The following STS variants were observed in gnomAD, a reference collection of about 807,000 sequenced individuals.
The protein encoded by STS is steryl-sulfatase.
A neutral mutation model predicts 26.8 loss-of-function variants in STS; 7 were observed. The observed-to-expected ratio is 0.26, with a 90% CI of 0.15 to 0.49. The LOEUF (loss-of-function observed/expected upper bound fraction) is 0.49, where lower values mean the gene tolerates loss of function less well. STS is among the 20% of genes least tolerant of loss of function. The probability of loss-of-function intolerance (pLI) is 0.98; values close to 1 mark genes in which losing one functional copy is unlikely to be tolerated. For missense variants in STS, 434 were observed against 465.6 expected, an observed-to-expected ratio of 0.93 and a Z score of 0.63; for synonymous variants, 199 against 189.4, an observed-to-expected ratio of 1.05 and a Z score of -0.42.
Position 7,169,100 on chromosome X carries a change from G to A in STS, c.-134+21017G>A, listed in dbSNP as rs751102496. On this transcript the variant is annotated intron_variant, in intron 1 of 10. Transcript: ENST00000674429. Reference sequence around the variant, plus strand: ...GTTCTACAACATTTTCATCACCACCGAAAACAACCCTATACCCTTTAACAG... The same window carrying A: ...GTTCTACAACATTTTCATCACCACCAAAAACAACCCTATACCCTTTAACAG... 2.4e-4 allele frequency among the ~76,000 whole-genome samples: 27 copies of A among 110,502 alleles called. No individual in the cohort carries two copies. In the South Asian group the frequency reaches 2.8e-3, roughly 11 times the overall value.
intron 7 of STS, among the ~76,000 whole-genome samples, chrX:7,284,066 A>G (rs1168117398): frequency 9.0e-6 from 1 of 111,224 alleles, no homozygotes; most frequent in Non-Finnish European, 1.9e-5. Flanking sequence ...AGGGCTGATT[A>G]TCTTTATTCA....
intron 8 of STS, among the ~76,000 whole-genome samples, chrX:7,310,983 A>C (rs1479672514): frequency 1.8e-5 from 2 of 111,458 alleles, no homozygotes; most frequent in Non-Finnish European, 3.8e-5. Context: ...GATCTTATTG[A>C]ATGCTTTACC....
rs148570800 is a variant in STS at position 7,170,052 on chromosome X, G to C, written c.-133-20828G>C. Among the ~76,000 whole-genome samples, 127 of 111,468 alleles carry C rather than the reference G, an allele frequency of 1.1e-3. 2 individuals carry two copies. The East Asian group carries it at 0.028, about 25-fold the overall frequency. On this transcript the variant is annotated intron_variant, in intron 1 of 10. Transcript: ENST00000674429. ...TATTTCTCTATTCCCGAGCAATTTA[G>C]TTCTGGGTGCTTTGAGGATACTGAT...
rs1921442072 is a variant in STS at position 7,219,309 on chromosome X, T to G, written c.-5+28301T>G. 16 of 703,590 alleles carry G rather than the reference T, an allele frequency of 2.3e-5. No homozygotes were observed. The South Asian group carries it at 6.6e-4, about 29-fold the overall frequency. 58.0% of individuals were successfully genotyped at this position (703,590 alleles called of 1,213,427 possible). A position where few individuals can be genotyped will look rare whatever the true frequency, so the allele number is the denominator to read the frequency against. The stretch of plus-strand genomic sequence containing the variant: ...CATAAACCGCTTGGGTATCAGATTG[T>G]GTCTGCATTTATCTTTGACACAAAT... On this transcript the variant is annotated intron_variant, in intron 2 of 10. Coordinates refer to ENST00000674429, the MANE Select transcript of STS (RefSeq NM_001320752.2).
chrX:7,262,129 TCTG>T (rs1192519766), intron 6 of STS, among the ~76,000 whole-genome samples: 1 of 112,204 alleles, frequency 8.9e-6, no homozygotes, highest in African/African-American at 3.2e-5. Flanking sequence ...ACATCCAACT[TCTG>T]CTGCCAGTTT....
intron 1 of STS, among the ~76,000 whole-genome samples, chrX:7,180,479 G>A (rs759817860): frequency 8.9e-5 from 10 of 111,770 alleles, no homozygotes; most frequent in African/African-American, 1.3e-4. Flanking sequence ...TCACTCATTC[G>A]CCTGTTGCCC....
chrX:7,287,856 T>G, intron 7 of STS, among the ~76,000 whole-genome samples: 1 of 110,601 alleles, frequency 9.0e-6, no homozygotes, highest in African/African-American at 3.3e-5. Flanking sequence ...AGGTATACTC[T>G]TTTTTTCACC....
chrX:7,172,260 A>G (rs950812659), intron 1 of STS, among the ~76,000 whole-genome samples: 2 of 111,325 alleles, frequency 1.8e-5, no homozygotes, highest in Non-Finnish European at 3.8e-5. Flanking sequence ...CAGCATCCTT[A>G]AGGGACCCAG....
intron 2 of STS, among the ~76,000 whole-genome samples, chrX:7,191,552 G>C (rs753781158): frequency 8.9e-6 from 1 of 112,136 alleles, no homozygotes; most frequent in African/African-American, 3.2e-5. Flanking sequence ...GAGGGCTGAG[G>C]TCATACCCAG....
chrX:7,256,175 A>T (rs1195608510), intron 3 of STS, among the ~76,000 whole-genome samples: 1 of 112,097 alleles, frequency 8.9e-6, no homozygotes, highest in East Asian at 2.8e-4. Flanking sequence ...ATTCCTGGTG[A>T]AGGACGTGGA....
chrX:7,287,027 G>A (rs377587848), intron 7 of STS, among the ~76,000 whole-genome samples: 5 of 111,585 alleles, frequency 4.5e-5, no homozygotes, highest in Admixed American at 9.6e-5. Context: ...GTGACAAGGC[G>A]TGGAATGGAG....
intron 2 of STS, among the ~76,000 whole-genome samples, chrX:7,192,750 G>A (rs1345608283): frequency 9.0e-6 from 1 of 111,595 alleles, no homozygotes; most frequent in Non-Finnish European, 1.9e-5. Context: ...GGTTACGGAT[G>A]GTAGTAGTTA....
chrX:7,337,703 G>T (rs183489971), intron 10 of STS, among the ~76,000 whole-genome samples: 29 of 112,481 alleles, frequency 2.6e-4, no homozygotes, highest in South Asian at 1.5e-3. Flanking sequence ...TTAAACCATT[G>T]TCTGTTTTCA....
At chrX:7,324,418 C>T (rs1927266394) in intron 8 of STS, among the ~76,000 whole-genome samples, 1 of 111,240 alleles carries the variant, frequency 9.0e-6, no homozygotes, top group Non-Finnish European at 1.9e-5. Context: ...CAGTTCTCTC[C>T]CGGATCAGGG....
chrX:7,212,342 G>A (rs751618340), intron 2 of STS, among the ~76,000 whole-genome samples: 3 of 110,666 alleles, frequency 2.7e-5, no homozygotes, highest in Non-Finnish European at 3.8e-5. Context: ...ATCGTGGCAC[G>A]CACCTGTAAT....
chrX:7,166,803 C>T (rs1933360184), intron 1 of STS, among the ~76,000 whole-genome samples: 2 of 111,608 alleles, frequency 1.8e-5, no homozygotes, highest in South Asian at 7.6e-4. Flanking sequence ...TAACCAGGAA[C>T]GGTTGTCTTC....
chrX:7,325,626 G>C (rs898840094), intron 9 of STS, 128 bp downstream of exon 9: 8 of 778,098 alleles, frequency 1.0e-5, no homozygotes, highest in Non-Finnish European at 1.6e-5. Flanking sequence ...GAAAATCACA[G>C]GTTTGAGGCA....
At chrX:7,161,956 G>A (rs534818132) in intron 1 of STS, among the ~76,000 whole-genome samples, 13 of 111,164 alleles carry the variant, frequency 1.2e-4, no homozygotes, top group Admixed American at 6.7e-4. Context: ...GCTGATATCA[G>A]GAGACAGAAA....
In STS at chrX:7,313,809, G is replaced by T. The variant is rs1476231433; in HGVS notation, c.1081+8626G>T. ...CTTAAATTCTACTAAAAGACAGAAT[G>T]CCTCTAAATTCTACTAGTTTTTAGG... On this transcript the variant is annotated intron_variant, in intron 8 of 10. Coordinates refer to ENST00000674429, the MANE Select transcript of STS (RefSeq NM_001320752.2). Among the ~76,000 whole-genome samples the T allele has an allele frequency of 3.6e-5, 4 of 112,113 alleles. No homozygotes were observed. In the Admixed American group the frequency reaches 3.8e-4, roughly 11 times the overall value.
Sources: gnomAD v4.1 joint callset for allele counts (sites outside exome capture counted in the v4.1 genomes callset) on GRCh38, gnomAD v4.1.1 for gene constraint, MANE v1.5 for transcripts, NCBI Gene and HGNC (gene_info 2026-07-23, HGNC 2026-07-21) for gene names.